The following NID1 variants were observed in gnomAD, a reference collection of about 807,000 sequenced individuals.
NID1 encodes the protein nidogen 1.
A neutral mutation model predicts 130.6 loss-of-function variants in NID1; 76 were observed. The ratio of observed to expected loss-of-function variants is 0.58; its 90% CI spans 0.48 to 0.70. The LOEUF is 0.70. NID1 is among the 30% of genes least tolerant of loss of function. The probability of loss-of-function intolerance (pLI) is 0.00; values close to 1 mark genes in which losing one functional copy is unlikely to be tolerated. For synonymous variants in NID1, 665 were observed against 675.1 expected (o/e 0.98, Z 0.23); for missense variants, 1,517 against 1,664.8 (o/e 0.91, Z 1.54).
In NID1 at chr1:236,064,623, G is replaced by A. The variant is rs572126960; in HGVS notation, c.225+232C>T. The stretch of plus-strand genomic sequence containing the variant: ...TCCATGGGTGCCGGGGTCACGGCCC[G>A]GGGCGCGCGGAGCCACCCAGACCCC... On this transcript the variant is annotated intron_variant, in intron 1 of 19. Transcript: ENST00000264187. 666 of 542,162 alleles carry A rather than the reference G, an allele frequency of 1.2e-3. 8 individuals are homozygous for A. The African/African-American group carries it at 0.012, about 10-fold the overall frequency. 33.6% of individuals were successfully genotyped at this position (542,162 alleles called of 1,614,324 possible). A position where few individuals can be genotyped will look rare whatever the true frequency, so the allele number is the denominator to read the frequency against.
At chr1:236,000,147 G>A (rs1658037904) in intron 12 of NID1, among the ~76,000 whole-genome samples, 1 of 152,110 alleles carries the variant, frequency 6.6e-6, no homozygotes, top group African/African-American at 2.4e-5. Flanking sequence ...CCAGGGAGTG[G>A]AGGTTGCAGT....
intron 1 of NID1, among the ~76,000 whole-genome samples, chr1:236,062,410 G>A (rs57638401): frequency 0.17 from 25,802 of 152,058 alleles, 2,377 homozygotes; most frequent in East Asian, 0.35. Context: ...CAAGGCGGGC[G>A]GATCACCTGA....
intron 12 of NID1, among the ~76,000 whole-genome samples, chr1:235,999,503 G>GC (rs776704956): frequency 7.9e-5 from 12 of 152,152 alleles, no homozygotes; most frequent in Admixed American, 3.3e-4. Context: ...AGTGTCCCTG[G>GC]CCCCCATGGG....
At position 236,023,991 on chromosome 1, in the gene NID1, GT is replaced by G. The variant is rs1305614571; in HGVS notation, c.2128+78del. ...CATCCGTGCTTCCTTGCTGCACCCAGTTCTCTGGTTTACAGAACGTGGATGC... is the reference window on the plus strand; with the variant it reads ...CATCCGTGCTTCCTTGCTGCACCCAGTCTCTGGTTTACAGAACGTGGATGC... On this transcript the variant is annotated intron_variant, in intron 9 of 19. Transcript: ENST00000264187. 31 of 1,570,578 alleles carry G rather than the reference GT, an allele frequency of 2.0e-5. 1 individual carries two copies. The Middle Eastern group carries it at 9.3e-4, about 47-fold the overall frequency.
chr1:236,053,466 C>G (rs1319153608), intron 1 of NID1, among the ~76,000 whole-genome samples: 2 of 152,192 alleles, frequency 1.3e-5, no homozygotes, highest in African/African-American at 4.8e-5. Context: ...CCCAACCCCA[C>G]CACCTCGTTA....
At chr1:236,016,122 G>A (rs1658587364) in intron 10 of NID1, among the ~76,000 whole-genome samples, 1 of 151,742 alleles carries the variant, frequency 6.6e-6, no homozygotes, top group South Asian at 2.1e-4. Flanking sequence ...AAGAAATCAG[G>A]TCAAATACAC....
chr1:236,001,253 C>A (rs954337745), intron 12 of NID1, among the ~76,000 whole-genome samples: 2 of 152,032 alleles, frequency 1.3e-5, no homozygotes, highest in Non-Finnish European at 2.9e-5. Context: ...TTACAGGCGC[C>A]TGCCACTGCG....
chr1:236,050,143 G>A (rs1389675672), intron 1 of NID1, among the ~76,000 whole-genome samples: 1 of 152,136 alleles, frequency 6.6e-6, no homozygotes, highest in Non-Finnish European at 1.5e-5. Flanking sequence ...AGGAATAAGT[G>A]GCAACACTGG....
Position 235,980,665 on chromosome 1 carries a change from A to T in NID1, c.3228-12T>A. ...TCCAGTAAAGGTTCCTGGAGGAGGAAAAAGGGGGGAAAGAGGAAAAGAAAT... is the reference window on the plus strand; with the variant it reads ...TCCAGTAAAGGTTCCTGGAGGAGGATAAAGGGGGGAAAGAGGAAAAGAAAT... On this transcript the variant is annotated splice_polypyrimidine_tract_variant and intron_variant, in intron 16 of 19. Coordinates refer to ENST00000264187, the MANE Select transcript of NID1 (RefSeq NM_002508.3). 6.2e-7 allele frequency: 1 copy of T among 1,609,912 alleles called. No individual in the cohort carries two copies. The highest frequency in any genetic ancestry group is 8.5e-7 in the Non-Finnish European group (1 of 1,177,874).
At position 235,977,539 on chromosome 1, in the gene NID1, G is replaced by T; in HGVS notation, c.*328C>A. On this transcript the variant is annotated 3_prime_UTR_variant, in exon 20 of 20. Coordinates refer to ENST00000264187, the MANE Select transcript of NID1 (RefSeq NM_002508.3). ...GTGCAACTCAAATTTGGGAGGTTCT[G>T]TTCACCACTGGGGGGCTAGTATTGG... The T allele has an allele frequency of 4.6e-6, 1 of 218,550 alleles. No homozygotes were observed. The highest frequency in any genetic ancestry group is 9.2e-6 in the Non-Finnish European group (1 of 108,616). 13.5% of individuals were successfully genotyped at this position (218,550 alleles called of 1,614,324 possible).
chr1:236,032,555 G>GT lies in NID1; in HGVS notation c.1382dup (p.Tyr461Ter). Residue 461 changes from tyrosine to a stop codon, truncating the protein, a stop_gained and frameshift_variant, in exon 6 of 20, where the codon TAC (tyrosine) becomes TAAC (stop). Coordinates refer to ENST00000264187, the MANE Select transcript of NID1 (RefSeq NM_002508.3). LOFTEE classifies it high-confidence loss of function. ...IVFENTDLHS[Y>*]VVMNHGRSYT... The stretch of plus-strand genomic sequence containing the variant: ...AGGAGCGCCCGTGGTTCATTACTAC[G>GT]TAAGAGTGGAGGTCAGTGTTCTCAA... 1 of 1,614,134 alleles carries GT rather than the reference G, an allele frequency of 6.2e-7. No homozygotes were observed. The highest frequency in any genetic ancestry group is 8.5e-7 in the Non-Finnish European group (1 of 1,180,022).
chr1:236,040,114 G>C (rs1395752920), intron 4 of NID1, among the ~76,000 whole-genome samples: 2 of 152,136 alleles, frequency 1.3e-5, no homozygotes, highest in African/African-American at 2.4e-5. Flanking sequence ...CTTCACAAAT[G>C]AGAATTTCAG....
Position 235,976,541 on chromosome 1 carries a change from C to A in NID1, c.*1326G>T, listed in dbSNP as rs1435936137. On this transcript the variant is annotated 3_prime_UTR_variant, in exon 20 of 20. Coordinates refer to ENST00000264187, the MANE Select transcript of NID1 (RefSeq NM_002508.3). ...ACTCCTTTATCCCATCCTTTACTGA[C>A]TCAAACTCCTTATGCTGAACTTTTC... The A allele has an allele frequency of 6.6e-6, 1 of 152,090 alleles. No individual in the cohort carries two copies. The highest frequency in any genetic ancestry group is 2.4e-5 in the African/African-American group (1 of 41,400). 9.4% of individuals were successfully genotyped at this position (152,090 alleles called of 1,614,324 possible).
intron 19 of NID1, among the ~76,000 whole-genome samples, chr1:235,978,668 G>A (rs1452271727): frequency 2.6e-5 from 4 of 152,104 alleles, no homozygotes; most frequent in African/African-American, 9.7e-5. Flanking sequence ...TATTGTTATT[G>A]CTGTTAGGCC....
intron 1 of NID1, among the ~76,000 whole-genome samples, chr1:236,056,562 T>A (rs912385025): frequency 1.3e-5 from 2 of 152,248 alleles, no homozygotes; most frequent in African/African-American, 4.8e-5. Flanking sequence ...TCTACTCTGC[T>A]ACCAAACACT....
Position 236,038,166 on chromosome 1 carries a change from G to GTGGCGTAGTCCC in NID1, c.1211_1222dup (p.Arg404_Ala407dup), listed in dbSNP as rs1175611314. On this transcript the variant is annotated inframe_insertion, in exon 5 of 20. Coordinates refer to ENST00000264187, the MANE Select transcript of NID1 (RefSeq NM_002508.3). ...AGCGACACAGCTGCAGCAGAAGCCC[G>GTGGCGTAGTCCC]TGGCGTAGTCCCTGCACTCTGCGTG... 6.2e-7 allele frequency: 1 copy of GTGGCGTAGTCCC among 1,611,542 alleles called. No individual in the cohort carries two copies. Among genetic ancestry groups the GTGGCGTAGTCCC allele is most frequent in the Non-Finnish European group, 8.5e-7 (1 of 1,177,966 alleles).
chr1:235,998,403 G>A (rs976441640), intron 12 of NID1, among the ~76,000 whole-genome samples: 4 of 152,154 alleles, frequency 2.6e-5, no homozygotes, highest in African/African-American at 7.2e-5. Context: ...GGCTGGGCAC[G>A]TTGGTTCACG....
chr1:236,062,633 C>CA (rs56709890), intron 1 of NID1, among the ~76,000 whole-genome samples: 109 of 104,110 alleles, frequency 1.0e-3, no homozygotes, highest in African/African-American at 1.2e-3. Flanking sequence ...GACTCTGTCT[C>CA]AAAAAAAAAA....
chr1:236,003,546 C>G (rs908143751), intron 12 of NID1, among the ~76,000 whole-genome samples: 1 of 152,154 alleles, frequency 6.6e-6, no homozygotes, highest in African/African-American at 2.4e-5. Context: ...GGAAGGAGGG[C>G]GAGACCAATT....
Sources: gnomAD v4.1 joint callset for allele counts (sites outside exome capture counted in the v4.1 genomes callset) on GRCh38, gnomAD v4.1.1 for gene constraint, MANE v1.5 for transcripts, NCBI Gene and HGNC (gene_info 2026-07-23, HGNC 2026-07-21) for gene names.